TRAM1: variants seen among roughly 807,000 people sequenced by gnomAD.
TRAM1 encodes translocation associated membrane protein 1.
Under a neutral mutation model 48.7 loss-of-function variants are expected in TRAM1, and 17 were observed. The observed-to-expected ratio is 0.35, with a 90% CI of 0.24 to 0.52. TRAM1 has a LOEUF of 0.52. Ranked by LOEUF, TRAM1 falls within the 20% of genes least tolerant of loss-of-function variation. The probability of loss-of-function intolerance (pLI) is 0.94; values close to 1 mark genes in which losing one functional copy is unlikely to be tolerated. For missense variants in TRAM1, 351 were observed against 441.5 expected (o/e 0.79, Z 1.84); for synonymous variants, 182 against 154.0 (o/e 1.18, Z -1.34).
At chr8:70,591,038 C>T (rs977500191) in intron 6 of TRAM1, among the ~76,000 whole-genome samples, 1 of 151,516 alleles carries the variant, frequency 6.6e-6, no homozygotes, top group African/African-American at 2.4e-5. Flanking sequence ...TAGAATACCA[C>T]AAGGGGTGGT....
intron 10 of TRAM1, among the ~76,000 whole-genome samples, chr8:70,578,688 TTAAATAA>T (rs1427524012): frequency 1.3e-5 from 2 of 152,202 alleles, no homozygotes; most frequent in African/African-American, 2.4e-5. Context: ...TTCCAAACAC[TTAAATAA>T]TAAATAATGC....
At position 70,574,973 on chromosome 8, in the gene TRAM1, C is replaced by T. The variant is rs1248467395; in HGVS notation, c.1084G>A (p.Val362Ile). The change falls in exon 11 of 11, where the codon GTA becomes ATA. Residue 362 changes from valine (V) to isoleucine (I), a missense_variant. Transcript: ENST00000262213. ...TTTTTATTCCGGGGAGAGTCTGCTA[C>T]ATTTGAAGTTAATGTTCCATTCACA... Reference protein sequence around the residue: ...NGVNGTLTSNVADSPRNKKEK... With the variant: ...NGVNGTLTSNIADSPRNKKEK... 1 of 1,610,730 alleles carries T rather than the reference C, an allele frequency of 6.2e-7. No individual in the cohort carries two copies. Among genetic ancestry groups the T allele is most frequent in the Non-Finnish European group, 8.5e-7 (1 of 1,178,594 alleles).
At chr8:70,586,165 T>C (rs1817214300) in intron 8 of TRAM1, among the ~76,000 whole-genome samples, 1 of 150,694 alleles carries the variant, frequency 6.6e-6, no homozygotes, top group Admixed American at 6.6e-5. Flanking sequence ...CAGCAAACTA[T>C]CGCAAAGACA....
In TRAM1 at chr8:70,608,213, C is replaced by A. The variant is rs377041764; in HGVS notation, c.-14G>T. 9 of 1,583,414 alleles carry A rather than the reference C, an allele frequency of 5.7e-6. No individual in the cohort carries two copies. The highest frequency in any genetic ancestry group is 1.7e-4 in the Middle Eastern group (1 of 5,866). On this transcript the variant is annotated 5_prime_UTR_variant, in exon 1 of 11. Transcript: ENST00000262213. Reference sequence around the variant, plus strand: ...GCGAATCGCCATGGTGGGGCCGCCGCCCGCGCCTGCAGGTGCTCCGCCCCG... The same window carrying A: ...GCGAATCGCCATGGTGGGGCCGCCGACCGCGCCTGCAGGTGCTCCGCCCCG...
chr8:70,576,921 G>A lies in TRAM1; in HGVS notation c.1052-1916C>T, dbSNP rs143739191. Among the ~76,000 whole-genome samples the A allele has an allele frequency of 4.3e-3, 655 of 152,314 alleles. 4 individuals carry two copies. Among genetic ancestry groups the A allele is most frequent in the African/African-American group, 0.015 (620 of 41,560 alleles). On this transcript the variant is annotated intron_variant, in intron 10 of 10. Coordinates refer to ENST00000262213, the MANE Select transcript of TRAM1 (RefSeq NM_014294.6). Reference sequence around the variant, plus strand: ...GCCTGGCCACTCTGCTGCTCCTGGCGTCTGCTAGTTTTGGAGTGAAGGTGA... The same window carrying A: ...GCCTGGCCACTCTGCTGCTCCTGGCATCTGCTAGTTTTGGAGTGAAGGTGA...
intron 10 of TRAM1, among the ~76,000 whole-genome samples, chr8:70,579,151 A>G (rs1229973809): frequency 3.9e-5 from 6 of 152,250 alleles, no homozygotes; most frequent in African/African-American, 1.4e-4. Context: ...TCATCATTGT[A>G]TGAACATCAC....
At position 70,584,936 on chromosome 8, in the gene TRAM1, G is replaced by A. The variant is rs561534063; in HGVS notation, c.747-1143C>T. Among the ~76,000 whole-genome samples the A allele has an allele frequency of 2.1e-3, 314 of 152,146 alleles. 2 individuals carry two copies. Among genetic ancestry groups the A allele is most frequent in the African/African-American group, 7.4e-3 (306 of 41,482 alleles). The stretch of plus-strand genomic sequence containing the variant: ...CAGAATTGGAAAAAACTACTTTAAA[G>A]TTCATATGGAACCAAAAAAGAGCTC... On this transcript the variant is annotated intron_variant, in intron 8 of 10. Coordinates refer to ENST00000262213, the MANE Select transcript of TRAM1 (RefSeq NM_014294.6).
chr8:70,578,283 A>AT (rs1179665701), intron 10 of TRAM1, among the ~76,000 whole-genome samples: 3 of 152,188 alleles, frequency 2.0e-5, no homozygotes, highest in Non-Finnish European at 1.5e-5. Flanking sequence ...TCATTTTTGT[A>AT]TTTTTTGTAA....
Position 70,582,975 on chromosome 8 carries a change from C to CT in TRAM1, c.1051+188dup, listed in dbSNP as rs1242958567. ...GATGGACAGCTTTTGAGGGGAGTAA[C>CT]TGAGTTTCCTCACCCAAGGGATCAC... On this transcript the variant is annotated intron_variant, in intron 10 of 10. Coordinates refer to ENST00000262213, the MANE Select transcript of TRAM1 (RefSeq NM_014294.6). 2.0e-5 allele frequency among the ~76,000 whole-genome samples: 3 copies of CT among 152,322 alleles called. No individual in the cohort carries two copies. In the East Asian group the frequency reaches 5.8e-4, roughly 29 times the overall value.
At chr8:70,584,783 T>C (rs1202430779) in intron 8 of TRAM1, among the ~76,000 whole-genome samples, 3 of 151,868 alleles carry the variant, frequency 2.0e-5, no homozygotes, top group East Asian at 1.9e-4. Flanking sequence ...TAAAAGAGGA[T>C]ACAAACAAAT....
chr8:70,590,358 C>T (rs1427654845), intron 6 of TRAM1, among the ~76,000 whole-genome samples: 1 of 152,134 alleles, frequency 6.6e-6, no homozygotes, highest in Non-Finnish European at 1.5e-5. Context: ...AAAGCCATTC[C>T]ATTTCTGATC....
intron 6 of TRAM1, among the ~76,000 whole-genome samples, chr8:70,587,850 CT>C (rs1341553962): frequency 6.6e-6 from 1 of 152,090 alleles, no homozygotes; most frequent in Non-Finnish European, 1.5e-5. Context: ...ATTTTTACTT[CT>C]TTTTTTCTCC....
At chr8:70,576,175 C>T (rs982671295) in intron 10 of TRAM1, among the ~76,000 whole-genome samples, 17 of 151,100 alleles carry the variant, frequency 1.1e-4, no homozygotes, top group African/African-American at 4.1e-4. Flanking sequence ...GAAAAGTTTA[C>T]CATTAACTGA....
rs76071117 is a variant in TRAM1 at position 70,577,092 on chromosome 8, C to T, written c.1052-2087G>A. 4.9e-3 allele frequency among the ~76,000 whole-genome samples: 741 copies of T among 152,280 alleles called. 7 individuals carry two copies. The highest frequency in any genetic ancestry group is 0.017 in the African/African-American group (707 of 41,572). ...GTTTGTGCTATAGCCCTTTTAGTCCCGCCATTCAGCAGGTCCAAAGTTCCC... is the reference window on the plus strand; with the variant it reads ...GTTTGTGCTATAGCCCTTTTAGTCCTGCCATTCAGCAGGTCCAAAGTTCCC... On this transcript the variant is annotated intron_variant, in intron 10 of 10. Transcript: ENST00000262213.
rs1345549985 is a variant in TRAM1, at chr8:70,573,605, A to AT, written c.*1326dup. 1 of 152,622 alleles carries AT rather than the reference A, an allele frequency of 6.6e-6. No individual in the cohort carries two copies. The highest frequency in any genetic ancestry group is 1.5e-5 in the Non-Finnish European group (1 of 68,036). The allele number at this position is 152,622 out of a possible 1,614,324, so 9.5% of individuals were successfully genotyped here. A position where few individuals can be genotyped will look rare whatever the true frequency, so the allele number is the denominator to read the frequency against. ...TTAACAGCTAGAAAGAAAAAGGACA[A>AT]TTTCCTAGCAGCATGGCAACTTAAA... On this transcript the variant is annotated 3_prime_UTR_variant, in exon 11 of 11. Transcript: ENST00000262213.
chr8:70,588,455 T>C (rs1240881016), intron 6 of TRAM1, among the ~76,000 whole-genome samples: 2 of 152,204 alleles, frequency 1.3e-5, no homozygotes, highest in East Asian at 3.9e-4. Context: ...CCAGGCATGG[T>C]GGCATGTGCC....
At chr8:70,607,778 G>A (rs1817781428) in intron 1 of TRAM1, 3 of 216,534 alleles carry the variant, frequency 1.4e-5, no homozygotes, top group Admixed American at 1.2e-4. Context: ...CAGGAACTGC[G>A]CCGCGCAGCC....
At position 70,586,959 on chromosome 8, in the gene TRAM1, A is replaced by G; in HGVS notation, c.682T>C (p.Phe228Leu). ...GAAATGTGGAAAAGAAATTCAACAAAATAATGTAGCACCAGAAGAACAAGT... is the reference window on the plus strand; with the variant it reads ...GAAATGTGGAAAAGAAATTCAACAAGATAATGTAGCACCAGAAGAACAAGT... ...LGLVLLVLHY[F>L]VEFLFHISRL... Residue 228 changes from phenylalanine (F) to leucine (L), a missense_variant, in exon 8 of 11, where the codon TTT (phenylalanine) becomes CTT (leucine). Coordinates refer to ENST00000262213, the MANE Select transcript of TRAM1 (RefSeq NM_014294.6). 1 of 1,613,908 alleles carries G rather than the reference A, an allele frequency of 6.2e-7. No individual in the cohort carries two copies. Among genetic ancestry groups the G allele is most frequent in the Non-Finnish European group, 8.5e-7 (1 of 1,179,898 alleles).
chr8:70,602,134 T>C (rs1817618686), intron 1 of TRAM1, among the ~76,000 whole-genome samples: 1 of 152,134 alleles, frequency 6.6e-6, no homozygotes, highest in Admixed American at 6.6e-5. Context: ...AAAGGTGTGG[T>C]TAATAAAGTC....
Sources: gnomAD v4.1 joint callset for allele counts (sites outside exome capture counted in the v4.1 genomes callset) on GRCh38, gnomAD v4.1.1 for gene constraint, MANE v1.5 for transcripts, NCBI Gene and HGNC (gene_info 2026-07-23, HGNC 2026-07-21) for gene names.